Variants in GALNTL6 observed in about 807,000 individuals in gnomAD.
GALNTL6 encodes the protein polypeptide N-acetylgalactosaminyltransferase-like 6.
A neutral mutation model predicts 73.7 loss-of-function variants in GALNTL6; 46 were observed. That is an observed-to-expected ratio of 0.62 (90% confidence interval 0.49 to 0.80). The LOEUF is 0.80. Ranked by LOEUF, GALNTL6 falls within the 30% of genes least tolerant of loss-of-function variation. The pLI, the probability that GALNTL6 is intolerant of heterozygous loss-of-function variation, is 0.00. For synonymous variants in GALNTL6, 259 were observed against 263.7 expected, an observed-to-expected ratio of 0.98 and a Z score of 0.17; for missense variants, 604 against 755.0, an observed-to-expected ratio of 0.80 and a Z score of 2.34.
chr4:172,533,193 A>T (rs1274827318), intron 5 of GALNTL6, among the ~76,000 whole-genome samples: 1 of 150,370 alleles, frequency 6.7e-6, no homozygotes, highest in Non-Finnish European at 1.5e-5. Context: ...TTGTATTTTC[A>T]GTAGAGATGG....
chr4:171,836,245 T>C (rs1052786071), intron 2 of GALNTL6, among the ~76,000 whole-genome samples: 5 of 152,080 alleles, frequency 3.3e-5, no homozygotes, highest in Non-Finnish European at 7.4e-5. Context: ...TCTGATTCTG[T>C]ATCCCATCTT....
chr4:172,370,202 A>C (rs1031873243), intron 5 of GALNTL6, among the ~76,000 whole-genome samples: 2 of 152,084 alleles, frequency 1.3e-5, no homozygotes, highest in African/African-American at 2.4e-5. Context: ...CCTCAATAGA[A>C]GTTGTTAGTT....
At chr4:172,812,693 C>A (rs565168496) in intron 6 of GALNTL6, among the ~76,000 whole-genome samples, 1 of 152,150 alleles carries the variant, frequency 6.6e-6, no homozygotes, top group African/African-American at 2.4e-5. Flanking sequence ...GATTGTTAAG[C>A]AGAGGTTGCA....
At chr4:172,307,641 G>A (rs963806611) in intron 3 of GALNTL6, among the ~76,000 whole-genome samples, 3 of 151,948 alleles carry the variant, frequency 2.0e-5, no homozygotes, top group East Asian at 3.9e-4. Context: ...GTTTTTGTTC[G>A]CTTTGTCAAA....
At position 172,757,792 on chromosome 4, in the gene GALNTL6, T is replaced by A. The variant is rs1230561908; in HGVS notation, c.554-51569T>A. The stretch of plus-strand genomic sequence containing the variant: ...ACCTTTTCAAATGGAAAGTAAATGT[T>A]GAGATGTTACGTCCCATGTGTTTTT... On this transcript the variant is annotated intron_variant, in intron 5 of 12. Coordinates refer to ENST00000506823, the MANE Select transcript of GALNTL6 (RefSeq NM_001034845.3). 2.0e-5 allele frequency among the ~76,000 whole-genome samples: 3 copies of A among 152,348 alleles called. No individual in the cohort carries two copies. In the East Asian group the frequency reaches 5.8e-4, roughly 29 times the overall value.
chr4:171,970,543 T>C (rs1419848897), intron 2 of GALNTL6, among the ~76,000 whole-genome samples: 1 of 152,208 alleles, frequency 6.6e-6, no homozygotes. Context: ...AAATCTTATC[T>C]TAAAAATTTT....
chr4:172,463,993 T>C (rs1266153787), intron 5 of GALNTL6, among the ~76,000 whole-genome samples: 1 of 152,202 alleles, frequency 6.6e-6, no homozygotes, highest in African/African-American at 2.4e-5. Context: ...GAATTCTGGA[T>C]CTTATTTCAT....
At chr4:172,652,766 C>A (rs1278792897) in intron 5 of GALNTL6, among the ~76,000 whole-genome samples, 1 of 152,078 alleles carries the variant, frequency 6.6e-6, no homozygotes, top group Non-Finnish European at 1.5e-5. Flanking sequence ...TTCCTTTAAC[C>A]CCAGAATTTC....
rs1367707812 is a variant in GALNTL6 at position 172,658,391 on chromosome 4, C to T, written c.554-150970C>T. ...CTGAGGCAGGAGAATGGCGTGAATC[C>T]GGGAGGCGGAGCTTGTAGTGAGCCG... On this transcript the variant is annotated intron_variant, in intron 5 of 12. Coordinates refer to ENST00000506823, the MANE Select transcript of GALNTL6 (RefSeq NM_001034845.3). Among the ~76,000 whole-genome samples, 3 of 147,172 alleles carry T rather than the reference C, an allele frequency of 2.0e-5. No individual in the cohort carries two copies. In the Admixed American group the frequency reaches 2.1e-4, roughly 10 times the overall value.
At chr4:172,802,829 C>A (rs1229459443) in intron 5 of GALNTL6, among the ~76,000 whole-genome samples, 2 of 150,598 alleles carry the variant, frequency 1.3e-5, no homozygotes, top group Admixed American at 1.3e-4. Context: ...ACAACAACAA[C>A]AAAAACGAGT....
At chr4:171,930,504 A>G (rs1218008016) in intron 2 of GALNTL6, among the ~76,000 whole-genome samples, 1 of 152,178 alleles carries the variant, frequency 6.6e-6, no homozygotes, top group African/African-American at 2.4e-5. Context: ...AGCTGACATC[A>G]TACTGAATGG....
At chr4:171,860,213 A>T (rs905104404) in intron 2 of GALNTL6, among the ~76,000 whole-genome samples, 2 of 152,230 alleles carry the variant, frequency 1.3e-5, no homozygotes, top group African/African-American at 4.8e-5. Flanking sequence ...ATACAATATT[A>T]AATCCATTTG....
intron 2 of GALNTL6, among the ~76,000 whole-genome samples, chr4:171,886,020 G>GA (rs916827423): frequency 5.3e-5 from 8 of 151,828 alleles, no homozygotes; most frequent in African/African-American, 1.7e-4. Flanking sequence ...GTTAGAACCA[G>GA]AAAAAATTGT....
At chr4:172,482,589 A>G (rs1283678923) in intron 5 of GALNTL6, among the ~76,000 whole-genome samples, 1 of 152,230 alleles carries the variant, frequency 6.6e-6, no homozygotes, top group Non-Finnish European at 1.5e-5. Flanking sequence ...AAAAACAATT[A>G]TATACTCTAA....
chr4:172,454,889 AT>A (rs757122754), intron 5 of GALNTL6, among the ~76,000 whole-genome samples: 9 of 151,806 alleles, frequency 5.9e-5, no homozygotes, highest in African/African-American at 1.4e-4. Flanking sequence ...TCATGCAGGC[AT>A]TTTTTTTTAA....
At position 171,912,805 on chromosome 4, in the gene GALNTL6, G is replaced by A. The variant is rs543719485; in HGVS notation, c.138+98087G>A. On this transcript the variant is annotated intron_variant, in intron 2 of 12. Coordinates refer to ENST00000506823, the MANE Select transcript of GALNTL6 (RefSeq NM_001034845.3). ...CTGAGTGAAAACATGCGGTATTTGTGTTTCTGTGCCAGGCTTCCTTCACTT... is the reference window on the plus strand; with the variant it reads ...CTGAGTGAAAACATGCGGTATTTGTATTTCTGTGCCAGGCTTCCTTCACTT... Among the ~76,000 whole-genome samples the A allele has an allele frequency of 2.0e-5, 3 of 152,150 alleles. No individual in the cohort carries two copies. In the East Asian group the frequency reaches 5.8e-4, roughly 29 times the overall value.
chr4:172,824,993 C>T (rs1742155619), intron 7 of GALNTL6, among the ~76,000 whole-genome samples: 1 of 151,744 alleles, frequency 6.6e-6, no homozygotes, highest in Non-Finnish European at 1.5e-5. Flanking sequence ...ATCATCACTC[C>T]CGCCTTCAAC....
chr4:172,795,380 A>C (rs1560957680), intron 5 of GALNTL6, among the ~76,000 whole-genome samples: 1 of 152,076 alleles, frequency 6.6e-6, no homozygotes, highest in Non-Finnish European at 1.5e-5. Context: ...TTATGGGCTT[A>C]TGGTTTGGCA....
intron 2 of GALNTL6, among the ~76,000 whole-genome samples, chr4:171,882,287 A>T (rs1286139551): frequency 6.6e-6 from 1 of 152,180 alleles, no homozygotes; most frequent in East Asian, 1.9e-4. Flanking sequence ...TACTTGCCTG[A>T]CCCCACACTT....
Sources: allele counts gnomAD v4.1 joint callset (sites outside exome capture counted in the v4.1 genomes callset), GRCh38; gene constraint gnomAD v4.1.1; transcripts MANE v1.5; gene names NCBI Gene and HGNC (gene_info 2026-07-23, HGNC 2026-07-21).